Variants in TRAF7 observed in about 807,000 individuals in gnomAD.
The protein encoded by TRAF7 is E3 ubiquitin-protein ligase TRAF7.
In TRAF7, 45 loss-of-function variants were observed where a neutral mutation model predicts 89.3. That is an observed-to-expected ratio of 0.50 (90% CI 0.40 to 0.65). TRAF7 has a LOEUF of 0.65. Ranked by LOEUF, TRAF7 falls within the 30% of genes least tolerant of loss-of-function variation. The pLI is 0.00. For missense variants in TRAF7, 677 were observed against 918.1 expected, an observed-to-expected ratio of 0.74 and a Z score of 3.39; for synonymous variants, 406 against 369.2, an observed-to-expected ratio of 1.10 and a Z score of -1.14.
At chr16:2,174,356 T>C in intron 14 of TRAF7, 23 bp downstream of exon 14, 1 of 1,604,784 alleles carries the variant, frequency 6.2e-7, no homozygotes, top group Non-Finnish European at 8.5e-7. Context: ...ACATGTGTGA[T>C]CAGTGATTCC....
At chr16:2,166,338 C>A (rs1245377846) in intron 3 of TRAF7, among the ~76,000 whole-genome samples, 1 of 152,184 alleles carries the variant, frequency 6.6e-6, no homozygotes, top group African/African-American at 2.4e-5. Flanking sequence ...GAGTTTGGCC[C>A]TAGGGCTTCA....
chr16:2,170,734 G>C lies in TRAF7; in HGVS notation c.348+4G>C. 6.3e-7 allele frequency: 1 copy of C among 1,595,822 alleles called. No homozygotes were observed. Among genetic ancestry groups the C allele is most frequent in the Non-Finnish European group, 8.5e-7 (1 of 1,171,660 alleles). On this transcript the variant is annotated splice_donor_region_variant and intron_variant, in intron 5 of 20. Coordinates refer to ENST00000326181, the MANE Select transcript of TRAF7 (RefSeq NM_032271.3). ...GCCCGAGGAGGAGGAGGAGCCGGTAGGTGTGGGGGACTCGGCGCAGAGCGG... is the reference window on the plus strand; with the variant it reads ...GCCCGAGGAGGAGGAGGAGCCGGTACGTGTGGGGGACTCGGCGCAGAGCGG...
At chr16:2,164,159 TGC>T (rs61245743) in intron 2 of TRAF7, among the ~76,000 whole-genome samples, 158 bp downstream of exon 2, 1,507 of 126,008 alleles carry the variant, frequency 0.012, 25 homozygotes, top group African/African-American at 0.032. Context: ...TGTGTGTGTG[TGC>T]GCGCGCGCGC....
intron 3 of TRAF7, among the ~76,000 whole-genome samples, chr16:2,166,452 A>G (rs1359549359): frequency 1.3e-5 from 2 of 152,156 alleles, no homozygotes; most frequent in African/African-American, 2.4e-5. Flanking sequence ...TCTGTCACCC[A>G]AGCTGGAATG....
At position 2,173,848 on chromosome 16, in the gene TRAF7, C is replaced by A. The variant is rs1424911843; in HGVS notation, c.1135+12C>A. 6.2e-7 allele frequency: 1 copy of A among 1,610,888 alleles called. No homozygotes were observed. The highest frequency in any genetic ancestry group is 1.7e-5 in the Admixed American group (1 of 59,986). ...GGGCATCCTAGGCTGTGAGTATGGA[C>A]CCGCCGTGGCTCCCGCCCACCCTCC... On this transcript the variant is annotated intron_variant, in intron 12 of 20. Coordinates refer to ENST00000326181, the MANE Select transcript of TRAF7 (RefSeq NM_032271.3).
At chr16:2,171,730 A>T in intron 7 of TRAF7, 125 bp downstream of exon 7, 1 of 1,447,272 alleles carries the variant, frequency 6.9e-7, no homozygotes, top group South Asian at 1.2e-5. Flanking sequence ...TGGGGTTGGG[A>T]TGGGGCTGCA....
intron 12 of TRAF7, 24 bp downstream of exon 12, chr16:2,173,860 C>CA: frequency 1.5e-4 from 80 of 528,928 alleles, no homozygotes; most frequent in South Asian, 5.0e-4. Flanking sequence ...CGCCGTGGCT[C>CA]CCGCCCACCC....
At chr16:2,164,528 T>G (rs1376645881) in intron 2 of TRAF7, among the ~76,000 whole-genome samples, 1 of 135,086 alleles carries the variant, frequency 7.4e-6, no homozygotes, top group Admixed American at 7.3e-5. Context: ...GTCGCATGGT[T>G]AAGCGTGTGA....
In TRAF7 at chr16:2,171,612, T is replaced by C. The variant is rs758068594; in HGVS notation, c.475+7T>C. The C allele has an allele frequency of 3.8e-5, 62 of 1,613,192 alleles. No individual in the cohort carries two copies. In the East Asian group the frequency reaches 1.4e-3, roughly 36 times the overall value. ...AGATGCGCCTTGAAGTCAGGTAGGT[T>C]TGTGCCCCGGCCCAGGCCTGACGCC... On this transcript the variant is annotated splice_region_variant and intron_variant, in intron 7 of 20. Transcript: ENST00000326181.
chr16:2,157,558 A>T (rs1161950770), intron 1 of TRAF7, among the ~76,000 whole-genome samples: 1 of 152,074 alleles, frequency 6.6e-6, no homozygotes, highest in African/African-American at 2.4e-5. Context: ...CCCGGGTCAG[A>T]TTCGTGTTCA....
chr16:2,172,357 C>A lies in TRAF7; in HGVS notation c.642C>A (p.Ile214=). Residue 214 remains isoleucine, a synonymous_variant, in exon 8 of 21, where the codon ATC becomes ATA. Transcript: ENST00000326181. The stretch of plus-strand genomic sequence containing the variant: ...ACCCCCGAGGGTGCCCCTTCACCAT[C>A]AAGCTCAGCGCCCGGAAGTAAGTGC... ...EVDPRGCPFT[I]KLSARKDHEG... 6.2e-7 allele frequency: 1 copy of A among 1,612,170 alleles called. No individual in the cohort carries two copies. The highest frequency in any genetic ancestry group is 8.5e-7 in the Non-Finnish European group (1 of 1,179,750).
In TRAF7 at chr16:2,162,077, C is replaced by G. The variant is rs1426347650; in HGVS notation, c.-38-1806C>G. ...GAGGCTTTGGCCAGGCCCCATCTCC[C>G]GAGACCATGGGACGCAAAGATCAGG... On this transcript the variant is annotated intron_variant, in intron 1 of 20. Coordinates refer to ENST00000326181, the MANE Select transcript of TRAF7 (RefSeq NM_032271.3). The surrounding 1 kb of genome is among the most constrained non-coding windows in gnomAD (Gnocchi z 5.0). Among the ~76,000 whole-genome samples the G allele has an allele frequency of 6.6e-6, 1 of 152,228 alleles. No individual in the cohort carries two copies. The highest frequency in any genetic ancestry group is 6.5e-5 in the Admixed American group (1 of 15,288).
rs2093067895 is a variant in TRAF7 at position 2,164,010 on chromosome 16, G to A, written c.81+9G>A. 1 of 1,602,108 alleles carries A rather than the reference G, an allele frequency of 6.2e-7. No homozygotes were observed. Among genetic ancestry groups the A allele is most frequent in the Non-Finnish European group, 8.5e-7 (1 of 1,174,568 alleles). On this transcript the variant is annotated intron_variant, in intron 2 of 20. Transcript: ENST00000326181. ...CAGACGTCACCACAGGGGTAAGGGT[G>A]TGCCCCTCTGCAAGCCCAACATCCC... is the stretch of plus-strand genomic sequence containing the variant.
At position 2,168,179 on chromosome 16, in the gene TRAF7, A is replaced by G. The variant is rs2093094481; in HGVS notation, c.231+11A>G. 1 of 1,602,030 alleles carries G rather than the reference A, an allele frequency of 6.2e-7. No homozygotes were observed. Among genetic ancestry groups the G allele is most frequent in the East Asian group, 2.3e-5 (1 of 44,220 alleles). ...GAGGAGGACAGCATGGTAGGTCCCT[A>G]CCCCCAGGAGCCCGTGTGAGCCTCA... is the stretch of plus-strand genomic sequence containing the variant. On this transcript the variant is annotated intron_variant, in intron 4 of 20. Transcript: ENST00000326181. The surrounding 1 kb of genome is among the most constrained non-coding windows in gnomAD (Gnocchi z 4.1).
chr16:2,166,975 CT>C (rs143259821), intron 3 of TRAF7, among the ~76,000 whole-genome samples: 3,015 of 152,264 alleles, frequency 0.02, 114 homozygotes, highest in African/African-American at 0.067. Flanking sequence ...TGCTAATTAG[CT>C]TTTTAATTGC....
intron 7 of TRAF7, among the ~76,000 whole-genome samples, 157 bp downstream of exon 7, chr16:2,171,762 C>T (rs937252031): frequency 1.3e-5 from 2 of 152,202 alleles, no homozygotes; most frequent in African/African-American, 4.8e-5. Context: ...GACGCTCAGG[C>T]TGAGGCTCGG....
At chr16:2,174,664 A>T (rs1385560031) in intron 14 of TRAF7, among the ~76,000 whole-genome samples, 1 of 152,226 alleles carries the variant, frequency 6.6e-6, no homozygotes, top group Non-Finnish European at 1.5e-5. Flanking sequence ...CCCTGCCTGC[A>T]GCCAAAGCCC....
At chr16:2,173,857 G>GCGGGGGGGCCCCCCCC in intron 12 of TRAF7, 21 bp downstream of exon 12, 6 of 1,607,454 alleles carry the variant, frequency 3.7e-6, no homozygotes, top group Non-Finnish European at 4.2e-6. Flanking sequence ...ACCCGCCGTG[G>GCGGGGGGGCCCCCCCC]CTCCCGCCCA....
chr16:2,166,049 C>A, intron 3 of TRAF7, 113 bp downstream of exon 3: 1 of 1,378,812 alleles, frequency 7.3e-7, no homozygotes, highest in South Asian at 1.3e-5. Context: ...GGTGCCAGTG[C>A]TGGGCGCGGG....
Sources: gnomAD v4.1 joint callset for allele counts (sites outside exome capture counted in the v4.1 genomes callset) on GRCh38, gnomAD v4.1.1 for gene constraint, Gnocchi (gnomAD v3.1) non-coding constraint, MANE v1.5 for transcripts, NCBI Gene and HGNC (gene_info 2026-07-23, HGNC 2026-07-21) for gene names.